Variants in CADM2 observed in about 807,000 individuals in gnomAD.
CADM2 encodes immunoglobulin superfamily member 4D.
A neutral mutation model predicts 49.8 loss-of-function variants in CADM2; 12 were observed. The ratio of observed to expected loss-of-function variants is 0.24; its 90% CI spans 0.15 to 0.39. The LOEUF is 0.39. Ranked by LOEUF, CADM2 falls within the 10% of genes least tolerant of loss-of-function variation. The pLI, the probability that CADM2 is intolerant of heterozygous loss-of-function variation, is 1.00. For missense variants in CADM2, 378 were observed against 492.3 expected, an observed-to-expected ratio of 0.77 and a Z score of 2.20; for synonymous variants, 214 against 175.4, an observed-to-expected ratio of 1.22 and a Z score of -1.74.
At chr3:85,898,514 T>C (rs1715585020) in intron 5 of CADM2, among the ~76,000 whole-genome samples, 1 of 151,972 alleles carries the variant, frequency 6.6e-6, no homozygotes, top group Non-Finnish European at 1.5e-5. Flanking sequence ...GTACAATAGA[T>C]TAGTTTGCAT....
intron 1 of CADM2, among the ~76,000 whole-genome samples, chr3:85,565,849 T>A (rs902832900): frequency 2.7e-5 from 4 of 150,858 alleles, no homozygotes; most frequent in African/African-American, 9.7e-5. Flanking sequence ...TTTAAATAAC[T>A]CCTAAACCCT....
In CADM2 at chr3:85,887,543, T is replaced by C. The variant is rs138617169; in HGVS notation, c.529+1216T>C. ...TATCAGTTTCCTGTTTTAATTACTC[T>C]TTCTCTGCATATTTTTCCCAAAAAA... On this transcript the variant is annotated intron_variant, in intron 5 of 9. Coordinates refer to ENST00000383699, the MANE Select transcript of CADM2 (RefSeq NM_001167675.2). 3.3e-5 allele frequency among the ~76,000 whole-genome samples: 5 copies of C among 152,288 alleles called. No homozygotes were observed. The East Asian group carries it at 9.7e-4, about 29-fold the overall frequency.
At chr3:85,913,725 A>T in intron 6 of CADM2, among the ~76,000 whole-genome samples, 1 of 152,340 alleles carries the variant, frequency 6.6e-6, no homozygotes, top group Middle Eastern at 3.4e-3. Flanking sequence ...AAAAAAATAA[A>T]TAAATGGAAC....
At chr3:85,569,904 AT>A (rs2062428870) in intron 1 of CADM2, among the ~76,000 whole-genome samples, 1 of 152,118 alleles carries the variant, frequency 6.6e-6, no homozygotes, top group African/African-American at 2.4e-5. Flanking sequence ...ATAATTCTCG[AT>A]TGGCAAAGCA....
chr3:85,833,451 A>G (rs147911231), intron 3 of CADM2, among the ~76,000 whole-genome samples: 10 of 151,896 alleles, frequency 6.6e-5, no homozygotes, highest in African/African-American at 2.4e-4. Context: ...CTGTGAATCC[A>G]TCTGATCCAG....
intron 1 of CADM2, among the ~76,000 whole-genome samples, chr3:85,580,026 G>A (rs1009097145): frequency 3.3e-5 from 5 of 152,072 alleles, no homozygotes; most frequent in Admixed American, 6.6e-5. Context: ...TTTTTACTCA[G>A]CTAAATCATT....
At chr3:85,978,381 G>A (rs541595578) in intron 8 of CADM2, among the ~76,000 whole-genome samples, 2 of 151,626 alleles carry the variant, frequency 1.3e-5, no homozygotes, top group South Asian at 4.2e-4. Flanking sequence ...ATGGATTAGA[G>A]GTTCAATGTT....
chr3:85,490,055 T>C (rs1263922639), intron 1 of CADM2, among the ~76,000 whole-genome samples: 1 of 87,668 alleles, frequency 1.1e-5, no homozygotes, highest in Admixed American at 1.3e-4. Flanking sequence ...CCTTCAATTA[T>C]CTCAGTGAGT....
intron 7 of CADM2, among the ~76,000 whole-genome samples, chr3:85,941,745 G>A (rs545090337): frequency 8.5e-5 from 13 of 152,060 alleles, no homozygotes; most frequent in Non-Finnish European, 1.8e-4. Context: ...GGACTAAGTA[G>A]TTAGCAAGTT....
At chr3:85,868,658 G>A (rs2075809672) in intron 3 of CADM2, among the ~76,000 whole-genome samples, 1 of 152,244 alleles carries the variant, frequency 6.6e-6, no homozygotes, top group South Asian at 2.1e-4. Flanking sequence ...GAAAACACAA[G>A]TGACTTTTAG....
intron 1 of CADM2, among the ~76,000 whole-genome samples, chr3:85,350,334 A>G (rs185349789): frequency 2.0e-3 from 309 of 152,312 alleles, no homozygotes; most frequent in Middle Eastern, 0.01. Flanking sequence ...TAAGAAAGCT[A>G]CTTTTAAATT....
intron 1 of CADM2, among the ~76,000 whole-genome samples, chr3:85,068,683 G>A (rs959813361): frequency 6.6e-5 from 10 of 152,068 alleles, no homozygotes; most frequent in South Asian, 6.2e-4. Flanking sequence ...TTCTAATCAC[G>A]AATATATAAA....
intron 1 of CADM2, among the ~76,000 whole-genome samples, chr3:85,228,748 G>A (rs953194618): frequency 6.6e-6 from 1 of 152,056 alleles, no homozygotes; most frequent in African/African-American, 2.4e-5. Flanking sequence ...CCTGTATGAG[G>A]TGTCTGTCAG....
chr3:85,834,837 G>A (rs1466528460), intron 3 of CADM2, among the ~76,000 whole-genome samples: 1 of 151,540 alleles, frequency 6.6e-6, no homozygotes, highest in Non-Finnish European at 1.5e-5. Flanking sequence ...GTTGTCACAG[G>A]TGACATCTTT....
intron 1 of CADM2, among the ~76,000 whole-genome samples, chr3:85,589,241 C>G (rs6778223): frequency 0.87 from 132,950 of 152,002 alleles, 58,285 homozygotes; most frequent in East Asian, 0.95. Context: ...TGTGAGAGTT[C>G]CAACCTTGTT....
chr3:85,075,720 G>A (rs991597959), intron 1 of CADM2, among the ~76,000 whole-genome samples: 1 of 152,118 alleles, frequency 6.6e-6, no homozygotes, highest in African/African-American at 2.4e-5. Flanking sequence ...CATGTTGTAA[G>A]TGAATCTCAC....
chr3:85,776,421 A>G (rs1268464460), intron 2 of CADM2, among the ~76,000 whole-genome samples: 1 of 151,924 alleles, frequency 6.6e-6, no homozygotes, highest in African/African-American at 2.4e-5. Flanking sequence ...TGTGAATACT[A>G]CTGAAGTCAA....
intron 6 of CADM2, among the ~76,000 whole-genome samples, chr3:85,918,567 TG>T (rs1357519211): frequency 2.0e-5 from 3 of 152,176 alleles, no homozygotes; most frequent in Non-Finnish European, 4.4e-5. Context: ...AGCATTTTAT[TG>T]AGGATTTTTG....
In CADM2 at chr3:85,001,022, T is replaced by C. The variant is rs76356431; in HGVS notation, c.61+41354T>C. 7.9e-5 allele frequency among the ~76,000 whole-genome samples: 12 copies of C among 152,232 alleles called. No individual in the cohort carries two copies. The East Asian group carries it at 2.3e-3, about 29-fold the overall frequency. On this transcript the variant is annotated intron_variant, in intron 1 of 9. Coordinates refer to ENST00000383699, the MANE Select transcript of CADM2 (RefSeq NM_001167675.2). Reference sequence around the variant, plus strand: ...CACCTGTTACACAAAATGAGAAACATTGTGGATATTCTTTTTGTCACAATC... The same window carrying C: ...CACCTGTTACACAAAATGAGAAACACTGTGGATATTCTTTTTGTCACAATC...
Sources: allele counts gnomAD v4.1 joint callset (sites outside exome capture counted in the v4.1 genomes callset), GRCh38; gene constraint gnomAD v4.1.1; transcripts MANE v1.5; gene names NCBI Gene and HGNC (gene_info 2026-07-23, HGNC 2026-07-21).